INSR: variants seen among roughly 807,000 people sequenced by gnomAD.
The protein encoded by INSR is insulin receptor, also known as IR.
Under a neutral mutation model 142.6 loss-of-function variants are expected in INSR, and 67 were observed. The ratio of observed to expected loss-of-function variants is 0.47; its 90% confidence interval spans 0.39 to 0.58. The LOEUF is 0.58. Ranked by LOEUF, INSR falls within the 20% of genes least tolerant of loss-of-function variation. The probability of loss-of-function intolerance (pLI) is 0.00; values close to 1 mark genes in which losing one functional copy is unlikely to be tolerated. For missense variants in INSR, 1,248 were observed against 1,833.2 expected (o/e 0.68, Z 5.83); for synonymous variants, 756 against 743.1 (o/e 1.02, Z -0.28).
At chr19:7,140,801 A>T (rs1482636740) in intron 13 of INSR, among the ~76,000 whole-genome samples, 2 of 147,942 alleles carry the variant, frequency 1.4e-5, no homozygotes, top group Non-Finnish European at 3.0e-5. Flanking sequence ...AGCTGTCCAT[A>T]AAAATAATGG....
rs72149315 is a variant in INSR at position 7,114,047 on chromosome 19, C to CAAAA, written c.*3005_*3008dup. 9 of 65,480 alleles carry CAAAA rather than the reference C, an allele frequency of 1.4e-4. No homozygotes were observed. Among genetic ancestry groups the CAAAA allele is most frequent in the African/African-American group, 1.9e-4 (3 of 16,086 alleles). 4.1% of individuals were successfully genotyped at this position (65,480 alleles called of 1,614,324 possible). On this transcript the variant is annotated 3_prime_UTR_variant, in exon 22 of 22. Coordinates refer to ENST00000302850, the MANE Select transcript of INSR (RefSeq NM_000208.4). ...AACACAGAGGTCCAAGGTGTTGTTG[C>CAAAA]AAAAAAAAAAAAAAAAAAAAAAAAA...
intron 2 of INSR, among the ~76,000 whole-genome samples, chr19:7,239,159 A>AAAAGC (rs1282717603): frequency 6.6e-6 from 1 of 152,194 alleles, no homozygotes; most frequent in African/African-American, 2.4e-5. Flanking sequence ...TTCAAGTGAG[A>AAAAGC]AAAGCAAAGC....
rs1374856724 is a variant in INSR, at chr19:7,182,354, C to CA, written c.974+1961dup. ...CATCTCAAAAAAACAAAAGCACAAA[C>CA]AAAAAAAAATTGGCCAGGCTTGCTG... On this transcript the variant is annotated intron_variant, in intron 3 of 21. Coordinates refer to ENST00000302850, the MANE Select transcript of INSR (RefSeq NM_000208.4). Among the ~76,000 whole-genome samples the CA allele has an allele frequency of 4.0e-5, 6 of 150,260 alleles. No individual in the cohort carries two copies. In the South Asian group the frequency reaches 1.3e-3, roughly 32 times the overall value.
intron 8 of INSR, among the ~76,000 whole-genome samples, chr19:7,165,418 G>A (rs1254099108): frequency 6.6e-6 from 1 of 152,178 alleles, no homozygotes; most frequent in African/African-American, 2.4e-5. Context: ...AAAGGCTGAA[G>A]CTGGGAGGCG....
At chr19:7,278,896 A>G (rs2145232665) in intron 1 of INSR, among the ~76,000 whole-genome samples, 1 of 152,214 alleles carries the variant, frequency 6.6e-6, no homozygotes, top group African/African-American at 2.4e-5. Flanking sequence ...TGGGAGCCTG[A>G]GGTGGGAGGA....
At chr19:7,219,180 G>C (rs911713054) in intron 2 of INSR, among the ~76,000 whole-genome samples, 1 of 152,180 alleles carries the variant, frequency 6.6e-6, no homozygotes, top group Non-Finnish European at 1.5e-5. Context: ...AGGACCTGGG[G>C]AAATTACCCA....
At chr19:7,264,403 C>T (rs1977160781) in intron 2 of INSR, among the ~76,000 whole-genome samples, 1 of 152,146 alleles carries the variant, frequency 6.6e-6, no homozygotes, top group Admixed American at 6.6e-5. Context: ...GACTCAATTG[C>T]AGATAACACC....
chr19:7,116,978 C>T lies in INSR; in HGVS notation c.*78G>A. ...TGGACATGGTAGAGTCGTGAGAATC[C>T]TGAGTTTTCCAGAGGCTTTCAAACC... On this transcript the variant is annotated 3_prime_UTR_variant, in exon 22 of 22. Coordinates refer to ENST00000302850, the MANE Select transcript of INSR (RefSeq NM_000208.4). 1 of 1,105,282 alleles carries T rather than the reference C, an allele frequency of 9.0e-7. No homozygotes were observed. The highest frequency in any genetic ancestry group is 1.4e-6 in the Non-Finnish European group (1 of 716,022). 68.5% of individuals were successfully genotyped at this position (1,105,282 alleles called of 1,614,324 possible).
chr19:7,199,186 C>G (rs563022388), intron 2 of INSR, among the ~76,000 whole-genome samples: 2 of 152,132 alleles, frequency 1.3e-5, no homozygotes, highest in South Asian at 4.2e-4. Flanking sequence ...AGTGTGTAAT[C>G]TGTTTGCAGC....
At position 7,206,429 on chromosome 19, in the gene INSR, G is replaced by T. The variant is rs114706911; in HGVS notation, c.653-21792C>A. ...TTAGGAACCAGGCTGCACAGCAGTGGACGAGGGGCGGGCGAGCGATGGAAG... is the reference window on the plus strand; with the variant it reads ...TTAGGAACCAGGCTGCACAGCAGTGTACGAGGGGCGGGCGAGCGATGGAAG... On this transcript the variant is annotated intron_variant, in intron 2 of 21. Coordinates refer to ENST00000302850, the MANE Select transcript of INSR (RefSeq NM_000208.4). Among the ~76,000 whole-genome samples the T allele has an allele frequency of 2.0e-3, 311 of 152,270 alleles. 2 individuals are homozygous for T. Among genetic ancestry groups the T allele is most frequent in the African/African-American group, 7.0e-3 (291 of 41,560 alleles).
chr19:7,183,532 T>C (rs892029086), intron 3 of INSR, among the ~76,000 whole-genome samples: 2 of 152,014 alleles, frequency 1.3e-5, no homozygotes, highest in African/African-American at 2.4e-5. Context: ...CTGAGAATAA[T>C]GCAGAAGCGA....
At chr19:7,221,495 G>A (rs915112123) in intron 2 of INSR, among the ~76,000 whole-genome samples, 1 of 152,044 alleles carries the variant, frequency 6.6e-6, no homozygotes, top group Admixed American at 6.6e-5. Context: ...ATCACCTGAG[G>A]TCAGGAGTTC....
In INSR at chr19:7,116,118, TC is replaced by T. The variant is rs1417255880; in HGVS notation, c.*937del. The T allele has an allele frequency of 1.7e-3, 90 of 52,498 alleles. No individual in the cohort carries two copies. The highest frequency in any genetic ancestry group is 6.0e-3 in the African/African-American group (88 of 14,702). The allele number at this position is 52,498 out of a possible 1,614,324, so 3.3% of individuals were successfully genotyped here. A position where few individuals can be genotyped will look rare whatever the true frequency, so the allele number is the denominator to read the frequency against. ...TCCTTTTTCCATTTTGTTTTTTCTT[TC>T]TTTTTCTTTTTTTTTTTTTAATGTC... On this transcript the variant is annotated 3_prime_UTR_variant, in exon 22 of 22. Coordinates refer to ENST00000302850, the MANE Select transcript of INSR (RefSeq NM_000208.4).
chr19:7,149,913 GA>G (rs1973285854), intron 11 of INSR, among the ~76,000 whole-genome samples: 2 of 10,092 alleles, frequency 2.0e-4, no homozygotes, highest in South Asian at 6.6e-3. Flanking sequence ...AAGAAGGAAA[GA>G]AAGAAAGAAG....
intron 13 of INSR, among the ~76,000 whole-genome samples, chr19:7,138,595 C>T (rs1388641008): frequency 1.3e-5 from 2 of 152,002 alleles, no homozygotes; most frequent in Non-Finnish European, 2.9e-5. Flanking sequence ...CAGGCTCAAA[C>T]TCCTGGCCTC....
At chr19:7,183,521 C>T (rs868098897) in intron 3 of INSR, among the ~76,000 whole-genome samples, 4 of 151,936 alleles carry the variant, frequency 2.6e-5, no homozygotes, top group African/African-American at 9.7e-5. Context: ...ACAGCAAAGC[C>T]CTGAGAATAA....
At chr19:7,164,797 GC>G (rs1973851763) in intron 8 of INSR, among the ~76,000 whole-genome samples, 1 of 123,596 alleles carries the variant, frequency 8.1e-6, no homozygotes, top group African/African-American at 3.2e-5. Context: ...TTGCACTCCA[GC>G]CTAGGCAACA....
chr19:7,132,925 A>G (rs999546670), intron 13 of INSR, among the ~76,000 whole-genome samples: 10 of 151,996 alleles, frequency 6.6e-5, no homozygotes, highest in African/African-American at 2.4e-4. Context: ...TAATTTCCAT[A>G]ATATTATCTT....
At chr19:7,153,366 C>CAT (rs879798799) in intron 9 of INSR, among the ~76,000 whole-genome samples, 29 of 1,988 alleles carry the variant, frequency 0.015, 3 homozygotes, top group East Asian at 0.047. Flanking sequence ...CACCACACAC[C>CAT]CCACACACAC....
Sources: gnomAD v4.1 joint callset for allele counts (sites outside exome capture counted in the v4.1 genomes callset) on GRCh38, gnomAD v4.1.1 for gene constraint, MANE v1.5 for transcripts, NCBI Gene and HGNC (gene_info 2026-07-23, HGNC 2026-07-21) for gene names.